CCDC102B: variants seen among roughly 807,000 people sequenced by gnomAD.
The protein encoded by CCDC102B is coiled-coil domain-containing protein 102B.
CCDC102B carries 75 observed loss-of-function variants against 57.4 expected under a neutral mutation model. That is an observed-to-expected ratio of 1.31 (90% CI 1.08 to 1.58). CCDC102B has a LOEUF of 1.58. CCDC102B is among the 40% of genes most tolerant of loss of function. The pLI, the probability that CCDC102B is intolerant of heterozygous loss-of-function variation, is 0.00. For missense variants in CCDC102B, 636 were observed against 582.6 expected, an observed-to-expected ratio of 1.09 and a Z score of -0.94; for synonymous variants, 206 against 201.9, an observed-to-expected ratio of 1.02 and a Z score of -0.17.
intron 1 of CCDC102B, among the ~76,000 whole-genome samples, chr18:68,809,039 T>G (rs576729743): frequency 6.6e-6 from 1 of 152,338 alleles, no homozygotes; most frequent in African/African-American, 2.4e-5. Flanking sequence ...AAAACATAAT[T>G]ATGAAACTTG....
At chr18:69,010,098 A>AT (rs71717825) in intron 6 of CCDC102B, among the ~76,000 whole-genome samples, 21 of 54,932 alleles carry the variant, frequency 3.8e-4, no homozygotes, top group African/African-American at 1.1e-3. Context: ...TGCCCGGCTA[A>AT]TTTTTTTTTT....
chr18:68,771,016 G>C lies in CCDC102B; in HGVS notation c.-66-52350G>C, dbSNP rs530954250. ...TAGGTTAAAATAAATGGTTCTGCAGGGACCTAGATTGATATTAATGCTGAT... is the reference window on the plus strand; with the variant it reads ...TAGGTTAAAATAAATGGTTCTGCAGCGACCTAGATTGATATTAATGCTGAT... On this transcript the variant is annotated intron_variant, in intron 2 of 3. Transcript: ENST00000578970. 2.6e-5 allele frequency among the ~76,000 whole-genome samples: 4 copies of C among 152,306 alleles called. No individual in the cohort carries two copies. In the South Asian group the frequency reaches 8.3e-4, roughly 32 times the overall value.
intron 6 of CCDC102B, among the ~76,000 whole-genome samples, chr18:68,953,929 G>A (rs139008441): frequency 4.0e-5 from 6 of 151,710 alleles, no homozygotes; most frequent in Non-Finnish European, 8.8e-5. Flanking sequence ...TAAAAAAACA[G>A]GTAAAAAATT....
chr18:68,873,315 C>A lies in CCDC102B; in HGVS notation c.937-1354C>A, dbSNP rs1032372009. Among the ~76,000 whole-genome samples the A allele has an allele frequency of 8.5e-5, 13 of 152,202 alleles. No individual in the cohort carries two copies. The South Asian group carries it at 2.7e-3, about 32-fold the overall frequency. ...TTCTGTAGTGTTTTGGGAAATCAGG[C>A]TTCTACCATTATTGTAGCTGATTTC... On this transcript the variant is annotated intron_variant, in intron 4 of 7. Transcript: ENST00000360242.
rs1317571098 is a variant in CCDC102B, at chr18:68,837,369, G to A, written c.606G>A (p.Lys202=). The A allele has an allele frequency of 6.3e-7, 1 of 1,596,132 alleles. No individual in the cohort carries two copies. The highest frequency in any genetic ancestry group is 8.5e-7 in the Non-Finnish European group (1 of 1,172,392). ...QFSTKEDTNN[K]EQGVVIDSLK... Reference sequence around the variant, plus strand: ...CTACAAAGGAGGACACAAATAATAAGGTAAGAAAAAAATCCAGAGATGATG... The same window carrying A: ...CTACAAAGGAGGACACAAATAATAAAGTAAGAAAAAAATCCAGAGATGATG... Residue 202 remains lysine, a splice_region_variant and synonymous_variant, in exon 2 of 8, where the codon AAG becomes AAA. Transcript: ENST00000360242.
At chr18:68,751,329 A>G (rs1428470499) in intron 2 of CCDC102B, among the ~76,000 whole-genome samples, 1 of 152,178 alleles carries the variant, frequency 6.6e-6, no homozygotes, top group Non-Finnish European at 1.5e-5. Flanking sequence ...CTCACTTAAT[A>G]CATTCATGGC....
At chr18:68,884,676 A>G (rs1444367817) in intron 5 of CCDC102B, among the ~76,000 whole-genome samples, 1 of 150,478 alleles carries the variant, frequency 6.6e-6, no homozygotes, top group Non-Finnish European at 1.5e-5. Flanking sequence ...ACACATATAT[A>G]TATGTATCCT....
intron 3 of CCDC102B, among the ~76,000 whole-genome samples, chr18:68,841,343 T>C (rs996893605): frequency 6.6e-6 from 1 of 152,176 alleles, no homozygotes; most frequent in Admixed American, 6.5e-5. Flanking sequence ...CCTCATCAAA[T>C]AGATGAAACT....
At chr18:68,769,988 G>T (rs1202351894) in intron 2 of CCDC102B, among the ~76,000 whole-genome samples, 2 of 152,166 alleles carry the variant, frequency 1.3e-5, no homozygotes, top group Admixed American at 1.3e-4. Flanking sequence ...TATTCCAGGA[G>T]GTGGGTATAG....
intron 5 of CCDC102B, among the ~76,000 whole-genome samples, chr18:68,886,523 A>C (rs1469238624): frequency 6.6e-6 from 1 of 152,150 alleles, no homozygotes; most frequent in African/African-American, 2.4e-5. Context: ...TTAAGTAGAA[A>C]CCTAAATTCT....
chr18:68,912,064 T>G (rs955174983), intron 6 of CCDC102B, among the ~76,000 whole-genome samples: 4 of 152,122 alleles, frequency 2.6e-5, no homozygotes, highest in African/African-American at 9.7e-5. Flanking sequence ...ATCACTACAT[T>G]TCTTATTTTT....
rs551088100 is a variant in CCDC102B, at chr18:68,762,025, A to G, written c.-67+45431A>G. On this transcript the variant is annotated intron_variant, in intron 2 of 3. Transcript: ENST00000578970. ...AGATGGTGTCCCTTGACATTTTACC[A>G]TACGTGTTTACGTAAACGATGTTTA... Among the ~76,000 whole-genome samples the G allele has an allele frequency of 3.3e-5, 5 of 152,232 alleles. No homozygotes were observed. In the South Asian group the frequency reaches 6.2e-4, roughly 19 times the overall value.
intron 6 of CCDC102B, among the ~76,000 whole-genome samples, chr18:68,901,577 G>GA (rs1429225096): frequency 6.6e-6 from 1 of 152,094 alleles, no homozygotes; most frequent in Non-Finnish European, 1.5e-5. Context: ...TGGTTAATAG[G>GA]AAAAAAATAT....
chr18:68,955,009 T>A (rs535987268), intron 6 of CCDC102B, among the ~76,000 whole-genome samples: 75 of 152,290 alleles, frequency 4.9e-4, no homozygotes, highest in African/African-American at 1.8e-3. Flanking sequence ...AGCTGTTAAA[T>A]CAAAGCATAG....
rs1036129541 is a variant in CCDC102B, at chr18:68,767,314, C to G, written c.-67+50720C>G. Among the ~76,000 whole-genome samples, 4 of 152,240 alleles carry G rather than the reference C, an allele frequency of 2.6e-5. No homozygotes were observed. The South Asian group carries it at 6.2e-4, about 24-fold the overall frequency. On this transcript the variant is annotated intron_variant, in intron 2 of 3. Coordinates refer to the CCDC102B transcript ENST00000578970. ...TAAATGAAGTCATGATGGGGGAGCT[C>G]CTATAACGAGGTTAGTGCCATTTTA... is the stretch of plus-strand genomic sequence containing the variant.
intron 7 of CCDC102B, among the ~76,000 whole-genome samples, chr18:69,037,423 A>G (rs1170474399): frequency 6.6e-6 from 1 of 152,048 alleles, no homozygotes; most frequent in Non-Finnish European, 1.5e-5. Context: ...CAAGAGGTAG[A>G]ATAAAGTGTC....
At chr18:68,841,529 C>A (rs1351607894) in intron 3 of CCDC102B, among the ~76,000 whole-genome samples, 1 of 151,964 alleles carries the variant, frequency 6.6e-6, no homozygotes, top group Non-Finnish European at 1.5e-5. Context: ...CCTATGTGTA[C>A]CTAAACATTT....
intron 1 of CCDC102B, among the ~76,000 whole-genome samples, chr18:68,810,693 T>TTTG (rs2036223794): frequency 1.4e-5 from 2 of 139,360 alleles, no homozygotes; most frequent in South Asian, 2.3e-4. Context: ...TTTTTTTTTT[T>TTTG]TTTTTTTTTT....
intron 7 of CCDC102B, among the ~76,000 whole-genome samples, chr18:69,038,072 T>G (rs2052342242): frequency 6.6e-6 from 1 of 152,034 alleles, no homozygotes; most frequent in Non-Finnish European, 1.5e-5. Context: ...ATTAATAATA[T>G]CACAGCCACC....
Sources: allele counts gnomAD v4.1 joint callset (sites outside exome capture counted in the v4.1 genomes callset), GRCh38; gene constraint gnomAD v4.1.1; transcripts MANE v1.5; gene names NCBI Gene and HGNC (gene_info 2026-07-23, HGNC 2026-07-21).